Variants in UBR4 observed in about 807,000 individuals in gnomAD.
The protein encoded by UBR4 is E3 ubiquitin-protein ligase UBR4.
In UBR4, 124 loss-of-function variants were observed where a neutral mutation model predicts 575.6. The observed-to-expected ratio is 0.22, with a 90% CI of 0.19 to 0.25. The LOEUF (loss-of-function observed/expected upper bound fraction) is 0.25, where lower values mean the gene tolerates loss of function less well. UBR4 is among the 10% of genes least tolerant of loss of function. The pLI, the probability that UBR4 is intolerant of heterozygous loss-of-function variation, is 1.00. For synonymous variants in UBR4, 2,455 were observed against 2,473.7 expected, an observed-to-expected ratio of 0.99 and a Z score of 0.22; for missense variants, 4,818 against 6,478.8, an observed-to-expected ratio of 0.74 and a Z score of 8.80.
chr1:19,202,059 G>A, intron 1 of UBR4, among the ~76,000 whole-genome samples: 1 of 152,066 alleles, frequency 6.6e-6, no homozygotes, highest in East Asian at 1.9e-4. Context: ...TGGGCGTGGT[G>A]GCACGTGCCT....
intron 60 of UBR4, among the ~76,000 whole-genome samples, chr1:19,134,028 G>A (rs2149789625): frequency 7.0e-6 from 1 of 142,854 alleles, no homozygotes; most frequent in Middle Eastern, 3.6e-3. Flanking sequence ...GGAGATTGCA[G>A]TGAGCTGAGA....
intron 60 of UBR4, among the ~76,000 whole-genome samples, chr1:19,131,430 T>A (rs961785153): frequency 6.6e-6 from 1 of 152,124 alleles, no homozygotes; most frequent in Non-Finnish European, 1.5e-5. Flanking sequence ...AACTTATTCA[T>A]GAAAAAAGGT....
At chr1:19,124,422 G>T in intron 65 of UBR4, 119 bp downstream of exon 65, 2 of 1,366,006 alleles carry the variant, frequency 1.5e-6, no homozygotes, top group Non-Finnish European at 9.9e-7. Flanking sequence ...GACCTACAAA[G>T]GTGAAAGGGA....
chr1:19,198,624 C>T lies in UBR4; in HGVS notation c.565G>A (p.Val189Ile), dbSNP rs776376761. 5 of 1,614,186 alleles carry T rather than the reference C, an allele frequency of 3.1e-6. No individual in the cohort carries two copies. The highest frequency in any genetic ancestry group is 4.5e-5 in the East Asian group (2 of 44,882). Residue 189 changes from valine (V) to isoleucine (I), a missense_variant, in exon 5 of 106, where the codon GTA (valine) becomes ATA (isoleucine). Physicochemically the swap from Val to Ile is conservative, Grantham distance 29. Coordinates refer to ENST00000375254, the MANE Select transcript of UBR4 (RefSeq NM_020765.3). ...AGCTGGTTCAAAAAATTCATCTGTACCTCCTTTTGCCTCAACTCAGGGCTT... is the reference window on the plus strand; with the variant it reads ...AGCTGGTTCAAAAAATTCATCTGTATCTCCTTTTGCCTCAACTCAGGGCTT... ...PVSPELRQKEVQMNFLNQLTS... is the reference protein window; with the variant it reads ...PVSPELRQKEIQMNFLNQLTS...
At chr1:19,143,263 A>G (rs4911975) in intron 55 of UBR4, among the ~76,000 whole-genome samples, 2,478 of 33,266 alleles carry the variant, frequency 0.074, 14 homozygotes, top group Middle Eastern at 0.091. Context: ...AGGAAGGAAG[A>G]AAGAAAGAAA....
At chr1:19,112,987 C>G in intron 77 of UBR4, 120 bp from the exon 78 acceptor site, 2 of 1,014,552 alleles carry the variant, frequency 2.0e-6, no homozygotes, top group Non-Finnish European at 2.8e-6. Context: ...TTAATCTTCT[C>G]AATAACCCAA....
chr1:19,153,591 C>A lies in UBR4; in HGVS notation c.6631-89G>T. On this transcript the variant is annotated intron_variant, in intron 45 of 105. Transcript: ENST00000375254. This position sits in a 1 kb window ranked among gnomAD's most constrained non-coding sequence, Gnocchi z 4.1. ...AAAGAGGCAGAGATGCAACTGGTTT[C>A]ATGGTCAGTTGAGGGGCTGTACAGA... is the stretch of plus-strand genomic sequence containing the variant. 6.5e-7 allele frequency: 1 copy of A among 1,543,274 alleles called. No homozygotes were observed. Among genetic ancestry groups the A allele is most frequent in the Non-Finnish European group, 8.9e-7 (1 of 1,124,572 alleles).
rs1301560350 is a variant in UBR4, at chr1:19,112,682, T to C, written c.11643A>G (p.Glu3881=). The C allele has an allele frequency of 6.2e-7, 1 of 1,614,128 alleles. No individual in the cohort carries two copies. Residue 3881 remains glutamate (E), a synonymous_variant, in exon 78 of 106, where the codon GAA becomes GAG. Transcript: ENST00000375254. The part of the protein sequence containing the change: ...KCYGCASAVT[E]HCITLLRALA... Reference sequence around the variant, plus strand: ...GGGCCCGAAGTAGTGTGATACAATGTTCTGTGACAGCCGAGGCGCAGCCAT... The same window carrying C: ...GGGCCCGAAGTAGTGTGATACAATGCTCTGTGACAGCCGAGGCGCAGCCAT...
chr1:19,106,447 G>T, intron 83 of UBR4, 122 bp downstream of exon 83: 1 of 1,296,364 alleles, frequency 7.7e-7, no homozygotes, highest in Non-Finnish European at 1.0e-6. Context: ...TTGAAAGGAA[G>T]CAAGAAGAGC....
chr1:19,187,589 A>T lies in UBR4; in HGVS notation c.1395-49T>A, dbSNP rs534101742. 1.4e-5 allele frequency: 22 copies of T among 1,581,654 alleles called. No individual in the cohort carries two copies. In the South Asian group the frequency reaches 2.3e-4, roughly 17 times the overall value. ...CAATCCTTAAAATAATTAACAATAA[A>T]TTACAACTTCTGAAGCAGTGGATCT... On this transcript the variant is annotated intron_variant, in intron 11 of 105. Transcript: ENST00000375254.
chr1:19,168,016 T>A lies in UBR4; in HGVS notation c.3899+11A>T. ...ACATAGAGTCCTTGGGGCTAGGTAG[T>A]AGGTACTTACACAATAAGATCTCCA... is the stretch of plus-strand genomic sequence containing the variant. On this transcript the variant is annotated intron_variant, in intron 28 of 105. Transcript: ENST00000375254. The A allele has an allele frequency of 2.5e-6, 4 of 1,605,168 alleles. No homozygotes were observed. Among genetic ancestry groups the A allele is most frequent in the Non-Finnish European group, 3.4e-6 (4 of 1,173,770 alleles).
intron 65 of UBR4, 55 bp from the exon 66 acceptor site, chr1:19,123,115 A>C: frequency 6.4e-7 from 1 of 1,571,644 alleles, no homozygotes. Context: ...TATCTATATC[A>C]ACTGTGGCTC....
At chr1:19,108,796 G>A (rs983233765) in intron 81 of UBR4, among the ~76,000 whole-genome samples, 5 of 152,150 alleles carry the variant, frequency 3.3e-5, no homozygotes, top group Non-Finnish European at 7.3e-5. Context: ...AGAACACCCC[G>A]GAGTCTGTGA....
intron 78 of UBR4, 30 bp downstream of exon 78, chr1:19,112,494 T>A: frequency 6.3e-7 from 1 of 1,575,728 alleles, no homozygotes; most frequent in Non-Finnish European, 8.6e-7. Context: ...TAGGAACCAC[T>A]AGGCCCATAA....
chr1:19,177,488 G>C lies in UBR4; in HGVS notation c.2610C>G (p.Ser870=). 2 of 1,614,178 alleles carry C rather than the reference G, an allele frequency of 1.2e-6. No individual in the cohort carries two copies. The highest frequency in any genetic ancestry group is 1.7e-6 in the Non-Finnish European group (2 of 1,180,012). The change falls in exon 19 of 106, where the codon TCC becomes TCG. Residue 870 remains serine (S), a synonymous_variant. Transcript: ENST00000375254. ...GCTCAAATAGATACACAGGGGCTTT[G>C]GAGTACTGATGAAGCAGATAATCAA... ...LIFDYLLHQY[S]KAPVYLFEQV... is the part of the protein sequence containing the mutation.
At chr1:19,102,063 G>A (rs945708636) in intron 87 of UBR4, among the ~76,000 whole-genome samples, 1 of 152,206 alleles carries the variant, frequency 6.6e-6, no homozygotes, top group Admixed American at 6.5e-5. Context: ...TAGGTAGACT[G>A]TCCTCTATAA....
chr1:19,202,541 C>T (rs1482359471), intron 1 of UBR4, among the ~76,000 whole-genome samples: 1 of 152,146 alleles, frequency 6.6e-6, no homozygotes, highest in Non-Finnish European at 1.5e-5. Flanking sequence ...GATAAGAAGT[C>T]ATATGATCAG....
In UBR4 at chr1:19,160,996, T is replaced by C. The variant is rs766300007; in HGVS notation, c.5327A>G (p.Lys1776Arg). ...DKAKVTISDG[K>R]VADEEKPKKS... ...CTTGGGCTTCTCTTCGTCAGCAACC[T>C]TTCCATCACTGATGGTAACCTTGGC... The change falls in exon 38 of 106, where the codon AAG becomes AGG. Residue 1776 changes from lysine to arginine, a missense_variant. Physicochemically the swap from Lys to Arg is conservative, Grantham distance 26 (BLOSUM62 2). Around this residue, in one of 29 missense-constraint regions of UBR4, gnomAD observed 159 missense variants for 174.6 expected, o/e 0.91. Coordinates refer to ENST00000375254, the MANE Select transcript of UBR4 (RefSeq NM_020765.3). The C allele has an allele frequency of 5.0e-6, 8 of 1,614,074 alleles. No homozygotes were observed. The highest frequency in any genetic ancestry group is 2.2e-5 in the East Asian group (1 of 44,892).
rs569723473 is a variant in UBR4 at position 19,168,940 on chromosome 1, T to C, written c.3741+495A>G. Among the ~76,000 whole-genome samples the C allele has an allele frequency of 3.7e-3, 538 of 145,200 alleles. 1 individual carries two copies. Among genetic ancestry groups the C allele is most frequent in the Non-Finnish European group, 6.5e-3 (438 of 67,114 alleles). Reference sequence around the variant, plus strand: ...TTGCAGTGAGCCGAGATCACGACACTGCACTCCATCCTGGGTGACAGAGCG... The same window carrying C: ...TTGCAGTGAGCCGAGATCACGACACCGCACTCCATCCTGGGTGACAGAGCG... On this transcript the variant is annotated intron_variant, in intron 27 of 105. Transcript: ENST00000375254.
Sources: gnomAD v4.1 joint callset for allele counts (sites outside exome capture counted in the v4.1 genomes callset) on GRCh38, gnomAD v4.1.1 for gene constraint, gnomAD v4.1.1 regional missense constraint, Gnocchi (gnomAD v3.1) non-coding constraint, MANE v1.5 for transcripts, NCBI Gene and HGNC (gene_info 2026-07-23, HGNC 2026-07-21) for gene names.